The following NIPSNAP3A variants were observed in gnomAD, a reference collection of about 807,000 sequenced individuals.
NIPSNAP3A encodes protein NipSnap homolog 3A.
In NIPSNAP3A, 27 loss-of-function variants were observed where a neutral mutation model predicts 32.3. That is an observed-to-expected ratio of 0.84 (90% CI 0.62 to 1.15). The LOEUF is 1.15. Among genes scored for constraint, NIPSNAP3A ranks in the 50% most tolerant of loss-of-function variants. The pLI is 0.00. For missense variants in NIPSNAP3A, 278 were observed against 297.2 expected (o/e 0.94, Z 0.48); for synonymous variants, 108 against 107.3 (o/e 1.01, Z -0.04).
intron 4 of NIPSNAP3A, among the ~76,000 whole-genome samples, chr9:104,758,585 G>T (rs1475899558): frequency 6.6e-6 from 1 of 151,950 alleles, no homozygotes; most frequent in Non-Finnish European, 1.5e-5. Flanking sequence ...AATTTCTCTA[G>T]CAAGTCTCTG....
Position 104,752,771 on chromosome 9 carries a change from G to A in NIPSNAP3A, c.272-135G>A, listed in dbSNP as rs563798394. The A allele has an allele frequency of 1.1e-4, 80 of 722,168 alleles. 2 individuals are homozygous for A. The South Asian group carries it at 1.1e-3, about 10-fold the overall frequency. The allele number at this position is 722,168 out of a possible 1,614,324, so 44.7% of individuals were successfully genotyped here. A position where few individuals can be genotyped will look rare whatever the true frequency, so the allele number is the denominator to read the frequency against. ...AGGGCAGATGGTCACATCTGTTTACGTTGGTGTCTCCAAAGGCCTAACACA... is the reference window on the plus strand; with the variant it reads ...AGGGCAGATGGTCACATCTGTTTACATTGGTGTCTCCAAAGGCCTAACACA... On this transcript the variant is annotated intron_variant, in intron 2 of 5. Coordinates refer to ENST00000374767, the MANE Select transcript of NIPSNAP3A (RefSeq NM_015469.3).
rs376917873 is a variant in NIPSNAP3A, at chr9:104,747,785, G to T, written c.-8G>T. ...GCTGGCTGCTTTTCTCAGCGCCGAA[G>T]CCGCGCCATGCTCGTCCTCAGAAGC... On this transcript the variant is annotated 5_prime_UTR_variant, in exon 1 of 6. Transcript: ENST00000374767. 4.4e-6 allele frequency: 7 copies of T among 1,607,210 alleles called. No homozygotes were observed. The African/African-American group carries it at 8.0e-5, about 18-fold the overall frequency.
intron 2 of NIPSNAP3A, among the ~76,000 whole-genome samples, chr9:104,752,019 T>C (rs1223548787): frequency 6.6e-6 from 1 of 152,148 alleles, no homozygotes; most frequent in Non-Finnish European, 1.5e-5. Context: ...TTTTATGCTT[T>C]AGATGTGGTA....
intron 1 of NIPSNAP3A, among the ~76,000 whole-genome samples, chr9:104,748,461 G>A (rs1051405098): frequency 6.6e-6 from 1 of 152,188 alleles, no homozygotes; most frequent in African/African-American, 2.4e-5. Flanking sequence ...AACCAGGCGG[G>A]ACCGGAGCCT....
intron 3 of NIPSNAP3A, 130 bp from the exon 4 acceptor site, chr9:104,754,421 T>G: frequency 2.8e-6 from 2 of 724,650 alleles, no homozygotes; most frequent in Non-Finnish European, 4.7e-6. Flanking sequence ...AATAAACATG[T>G]CTACATAATA....
chr9:104,753,085 C>A, intron 3 of NIPSNAP3A, 21 bp downstream of exon 3: 3 of 1,602,040 alleles, frequency 1.9e-6, no homozygotes, highest in Non-Finnish European at 2.6e-6. Flanking sequence ...CCTTCTTAGT[C>A]ACTGAGTTTT....
At chr9:104,754,437 G>A (rs1588161032) in intron 3 of NIPSNAP3A, 114 bp from the exon 4 acceptor site, 1 of 805,956 alleles carries the variant, frequency 1.2e-6, no homozygotes, top group South Asian at 1.6e-5. Flanking sequence ...TAATATGTAT[G>A]CATGTCTGAT....
At chr9:104,758,522 C>T (rs151261141) in intron 4 of NIPSNAP3A, among the ~76,000 whole-genome samples, 1,650 of 152,206 alleles carry the variant, frequency 0.011, 9 homozygotes, top group Non-Finnish European at 0.018. Flanking sequence ...TCAGTACTTC[C>T]GTTTTCCAGC....
chr9:104,750,114 A>T (rs1003315250), intron 1 of NIPSNAP3A, among the ~76,000 whole-genome samples: 2 of 152,168 alleles, frequency 1.3e-5, no homozygotes, highest in African/African-American at 4.8e-5. Context: ...CTTCTAGTAA[A>T]CATTTTTTTC....
At chr9:104,758,954 G>C (rs1299945345) in intron 4 of NIPSNAP3A, 131 bp from the exon 5 acceptor site, 41 of 976,146 alleles carry the variant, frequency 4.2e-5, no homozygotes, top group Non-Finnish European at 5.4e-5. Context: ...TAGGTGACAA[G>C]AGTGAAACTC....
chr9:104,751,285 C>A, intron 2 of NIPSNAP3A, 119 bp downstream of exon 2: 2 of 914,300 alleles, frequency 2.2e-6, no homozygotes, highest in Non-Finnish European at 3.6e-6. Flanking sequence ...TAGATACATA[C>A]AGGTTAACTA....
rs184830655 is a variant in NIPSNAP3A at position 104,755,056 on chromosome 9, A to G, written c.580+356A>G. ...GGAGTTCGAGACCAGCCTGGCAAAC[A>G]TGGTGAAACCCCGTCTCTAGTAAAA... On this transcript the variant is annotated intron_variant, in intron 4 of 5. Transcript: ENST00000374767. Among the ~76,000 whole-genome samples the G allele has an allele frequency of 3.2e-3, 483 of 152,214 alleles. 2 individuals are homozygous for G. Among genetic ancestry groups the G allele is most frequent in the Non-Finnish European group, 5.8e-3 (393 of 68,006 alleles).
intron 4 of NIPSNAP3A, 111 bp from the exon 5 acceptor site, chr9:104,758,971 CAAA>C (rs34457398): frequency 0.047 from 17,630 of 375,720 alleles, 1 homozygote; most frequent in East Asian, 0.1. Flanking sequence ...ACTCTTGTTT[CAAA>C]AAAAAAAAAA....
chr9:104,753,075 C>T lies in NIPSNAP3A; in HGVS notation c.430+11C>T. Reference sequence around the variant, plus strand: ...AACCTCCAAAAGAAGGTAAGTCCTTCCTTCTTAGTCACTGAGTTTTGATGA... The same window carrying T: ...AACCTCCAAAAGAAGGTAAGTCCTTTCTTCTTAGTCACTGAGTTTTGATGA... On this transcript the variant is annotated intron_variant, in intron 3 of 5. Coordinates refer to ENST00000374767, the MANE Select transcript of NIPSNAP3A (RefSeq NM_015469.3). The T allele has an allele frequency of 6.2e-7, 1 of 1,608,620 alleles. No individual in the cohort carries two copies. Among genetic ancestry groups the T allele is most frequent in the Non-Finnish European group, 8.5e-7 (1 of 1,175,186 alleles).
chr9:104,754,432 T>C, intron 3 of NIPSNAP3A, 119 bp from the exon 4 acceptor site: 1 of 773,344 alleles, frequency 1.3e-6, no homozygotes, highest in East Asian at 2.6e-5. Flanking sequence ...CTACATAATA[T>C]GTATGCATGT....
In NIPSNAP3A at chr9:104,759,159, G is replaced by C. The variant is rs765949351; in HGVS notation, c.655G>C (p.Val219Leu). ...ACATAAGTCCCATGAGGATCCCAGA[G>C]TTGTGGCAGCTGGTAAGCTGTTTGA... Reference protein sequence around the residue: ...GRHKSHEDPRVVAAVRESVNY... With the variant: ...GRHKSHEDPRLVAAVRESVNY... Residue 219 changes from valine to leucine, a missense_variant, in exon 5 of 6, where the codon GTT (valine) becomes CTT (leucine). By Grantham distance (32) the Val-to-Leu change is conservative. Transcript: ENST00000374767. 1 of 1,613,632 alleles carries C rather than the reference G, an allele frequency of 6.2e-7. No individual in the cohort carries two copies. Among genetic ancestry groups the C allele is most frequent in the Non-Finnish European group, 8.5e-7 (1 of 1,179,732 alleles).
chr9:104,752,789 C>CTA (rs1827861193), intron 2 of NIPSNAP3A, 117 bp from the exon 3 acceptor site: 1 of 870,658 alleles, frequency 1.1e-6, no homozygotes, highest in East Asian at 2.6e-5. Flanking sequence ...CTCCAAAGGC[C>CTA]TAACACAAGG....
At chr9:104,754,523 T>A in intron 3 of NIPSNAP3A, 28 bp from the exon 4 acceptor site, 1 of 1,609,466 alleles carries the variant, frequency 6.2e-7, no homozygotes. Context: ...GAATGTTTTC[T>A]GAAAAATTCT....
In NIPSNAP3A at chr9:104,759,850, A is replaced by G. The variant is rs1283163538; in HGVS notation, c.*512A>G. On this transcript the variant is annotated 3_prime_UTR_variant, in exon 6 of 6. Coordinates refer to ENST00000374767, the MANE Select transcript of NIPSNAP3A (RefSeq NM_015469.3). Reference sequence around the variant, plus strand: ...GTATTTCTTTACTATGGAAAACCACATTGTCATTTGTGACATCATCTATAT... The same window carrying G: ...GTATTTCTTTACTATGGAAAACCACGTTGTCATTTGTGACATCATCTATAT... 6.5e-6 allele frequency: 1 copy of G among 154,852 alleles called. No individual in the cohort carries two copies. Among genetic ancestry groups the G allele is most frequent in the Non-Finnish European group, 1.4e-5 (1 of 69,766 alleles). 9.6% of individuals were successfully genotyped at this position (154,852 alleles called of 1,614,324 possible). A position where few individuals can be genotyped will look rare whatever the true frequency, so the allele number is the denominator to read the frequency against.
Sources: allele counts gnomAD v4.1 joint callset (sites outside exome capture counted in the v4.1 genomes callset), GRCh38; gene constraint gnomAD v4.1.1; transcripts MANE v1.5; gene names NCBI Gene and HGNC (gene_info 2026-07-23, HGNC 2026-07-21).